Variants in ERRFI1 observed in about 807,000 individuals in gnomAD.
The protein encoded by ERRFI1 is ERBB receptor feedback inhibitor 1, also known as mitogen-inducible gene 6 protein.
ERRFI1 carries 12 observed loss-of-function variants against 14.6 expected under a neutral mutation model. The observed-to-expected ratio is 0.82, with a 90% CI of 0.53 to 1.33. The LOEUF is 1.33. Among genes scored for constraint, ERRFI1 ranks in the 40% most tolerant of loss-of-function variants. The pLI is 0.00. For missense variants in ERRFI1, 482 were observed against 572.1 expected, an observed-to-expected ratio of 0.84 and a Z score of 1.61; for synonymous variants, 202 against 209.9, an observed-to-expected ratio of 0.96 and a Z score of 0.32.
chr1:8,016,040 C>G (rs924443128), intron 1 of ERRFI1, among the ~76,000 whole-genome samples: 1 of 152,158 alleles, frequency 6.6e-6, no homozygotes, highest in African/African-American at 2.4e-5. Context: ...ATTAAACCAG[C>G]CTTCTAAGTT....
chr1:8,014,546 C>T (rs906997120), intron 3 of ERRFI1, 150 bp from the exon 4 acceptor site: 2 of 669,566 alleles, frequency 3.0e-6, no homozygotes, highest in Middle Eastern at 4.2e-4. Context: ...CATGCAACCA[C>T]CACAGGTGTA....
rs1173575125 is a variant in ERRFI1, at chr1:8,013,349, G to A, written c.1250C>T (p.Thr417Ile). Residue 417 changes from threonine to isoleucine, a missense_variant, in exon 4 of 4, where the codon ACA becomes ATA. Thr to Ile is a moderately conservative substitution (Grantham distance 89). Transcript: ENST00000377482. This position sits in a 1 kb window ranked among gnomAD's most constrained non-coding sequence, Gnocchi z 4.3. Reference protein sequence around the residue: ...YEKFFREAEETNGGAQIQPLP... With the variant: ...YEKFFREAEEINGGAQIQPLP... ...TGGCTGGATTTGGGCGCCTCCATTTGTTTCTTCTGCTTCCCTAAAAAATTT... is the reference window on the plus strand; with the variant it reads ...TGGCTGGATTTGGGCGCCTCCATTTATTTCTTCTGCTTCCCTAAAAAATTT... 1 of 1,614,174 alleles carries A rather than the reference G, an allele frequency of 6.2e-7. No individual in the cohort carries two copies. Among genetic ancestry groups the A allele is most frequent in the Admixed American group, 1.7e-5 (1 of 60,014 alleles).
intron 1 of ERRFI1, among the ~76,000 whole-genome samples, chr1:8,016,314 A>T (rs1641172856): frequency 6.6e-6 from 1 of 152,206 alleles, no homozygotes; most frequent in Non-Finnish European, 1.5e-5. Flanking sequence ...TAATATATGA[A>T]GATACTAATT....
chr1:8,013,449 C>G lies in ERRFI1; in HGVS notation c.1150G>C (p.Glu384Gln), dbSNP rs2124055526. The G allele has an allele frequency of 6.2e-7, 1 of 1,614,166 alleles. No individual in the cohort carries two copies. The highest frequency in any genetic ancestry group is 8.5e-7 in the Non-Finnish European group (1 of 1,180,036). The part of the protein sequence containing the change: ...SKVPCILPII[E>Q]NGKKVSSTHY... The stretch of plus-strand genomic sequence containing the variant: ...GTTGAACTAACCTTCTTCCCATTTT[C>G]AATAATGGGCAGAATGCAAGGAACC... Residue 384 changes from glutamate (E) to glutamine (Q), a missense_variant, in exon 4 of 4, where the codon GAA becomes CAA. Physicochemically the swap from Glu to Gln is conservative, Grantham distance 29. Coordinates refer to ENST00000377482, the MANE Select transcript of ERRFI1 (RefSeq NM_018948.4). The surrounding 1 kb of genome is among the most constrained non-coding windows in gnomAD (Gnocchi z 4.3).
chr1:8,014,509 C>T (rs1466855529), intron 3 of ERRFI1, 113 bp from the exon 4 acceptor site: 2 of 1,028,436 alleles, frequency 1.9e-6, no homozygotes, highest in East Asian at 4.9e-5. Context: ...GAGTGAAACA[C>T]TTGACTGCTG....
chr1:8,025,608 A>G (rs1641334237), intron 1 of ERRFI1, among the ~76,000 whole-genome samples: 1 of 152,154 alleles, frequency 6.6e-6, no homozygotes, highest in Admixed American at 6.5e-5. Context: ...CTTTCAAGAC[A>G]GGATTTACGG....
intron 1 of ERRFI1, among the ~76,000 whole-genome samples, chr1:8,019,515 A>G (rs1177795525): frequency 6.6e-6 from 1 of 152,150 alleles, no homozygotes; most frequent in African/African-American, 2.4e-5. Flanking sequence ...CTGATGTCTG[A>G]TTTATGCTTT....
At chr1:8,023,356 C>T (rs186386706) in intron 1 of ERRFI1, among the ~76,000 whole-genome samples, 1 of 152,200 alleles carries the variant, frequency 6.6e-6, no homozygotes, top group Non-Finnish European at 1.5e-5. Flanking sequence ...TGGCTTACTG[C>T]AACCTCTGCC....
At chr1:8,023,748 T>C (rs1641304298) in intron 1 of ERRFI1, among the ~76,000 whole-genome samples, 1 of 152,194 alleles carries the variant, frequency 6.6e-6, no homozygotes, top group African/African-American at 2.4e-5. Flanking sequence ...CAGTAACTTT[T>C]CCCTATCTTA....
chr1:8,013,771 G>T lies in ERRFI1; in HGVS notation c.828C>A (p.Ser276=). ...NCCIHRASPN[S]DEDKPEVPPR... is the part of the protein sequence containing the mutation. ...GGGGAACCTCAGGTTTGTCTTCATC[G>T]GAGTTAGGAGAAGCTCTGTGTATAC... Residue 276 remains serine, a synonymous_variant, in exon 4 of 4, where the codon TCC becomes TCA. Coordinates refer to ENST00000377482, the MANE Select transcript of ERRFI1 (RefSeq NM_018948.4). The surrounding 1 kb of genome is among the most constrained non-coding windows in gnomAD (Gnocchi z 4.3). The T allele has an allele frequency of 1.2e-6, 2 of 1,614,096 alleles. No homozygotes were observed. Among genetic ancestry groups the T allele is most frequent in the Admixed American group, 1.7e-5 (1 of 60,004 alleles).
At chr1:8,015,786 G>T in intron 1 of ERRFI1, 94 bp from the exon 2 acceptor site, 1 of 798,438 alleles carries the variant, frequency 1.3e-6, no homozygotes, top group Non-Finnish European at 1.9e-6. Context: ...CAGAGGATTT[G>T]GGGGATGCTG....
At chr1:8,018,964 T>G (rs1051938209) in intron 1 of ERRFI1, among the ~76,000 whole-genome samples, 2 of 152,006 alleles carry the variant, frequency 1.3e-5, no homozygotes, top group Non-Finnish European at 2.9e-5. Context: ...CAAACCAAAC[T>G]CCTCCTTTCA....
At chr1:8,023,463 G>A (rs1641300696) in intron 1 of ERRFI1, among the ~76,000 whole-genome samples, 3 of 152,042 alleles carry the variant, frequency 2.0e-5, no homozygotes, top group African/African-American at 7.2e-5. Context: ...TTTTTTTGTA[G>A]TGACAGGGTT....
In ERRFI1 at chr1:8,012,095, G is replaced by A. The variant is rs76158326; in HGVS notation, c.*1115C>T. 1 of 230,354 alleles carries A rather than the reference G, an allele frequency of 4.3e-6. No homozygotes were observed. The highest frequency in any genetic ancestry group is 8.6e-6 in the Non-Finnish European group (1 of 115,982). 14.3% of individuals were successfully genotyped at this position (230,354 alleles called of 1,614,324 possible). A position where few individuals can be genotyped will look rare whatever the true frequency, so the allele number is the denominator to read the frequency against. On this transcript the variant is annotated 3_prime_UTR_variant, in exon 4 of 4. Transcript: ENST00000377482. ...GCATCTAAGTGAAGCAGCCACAGCT[G>A]TGAGAGTTTTCAAAGCAGAAAGATG...
intron 3 of ERRFI1, 114 bp from the exon 4 acceptor site, chr1:8,014,510 T>A: frequency 1.0e-6 from 1 of 1,001,246 alleles, no homozygotes; most frequent in Non-Finnish European, 1.4e-6. Flanking sequence ...AGTGAAACAC[T>A]TGACTGCTGT....
chr1:8,017,917 C>T (rs957063130), intron 1 of ERRFI1, among the ~76,000 whole-genome samples: 2 of 152,200 alleles, frequency 1.3e-5, no homozygotes, highest in African/African-American at 4.8e-5. Flanking sequence ...TCAATGGTCA[C>T]TTAAAATTAT....
intron 1 of ERRFI1, among the ~76,000 whole-genome samples, chr1:8,016,117 C>T (rs1440170290): frequency 1.3e-5 from 2 of 152,172 alleles, no homozygotes; most frequent in Non-Finnish European, 2.9e-5. Context: ...AAAGTAATTT[C>T]AGAAGCCACT....
chr1:8,012,429 T>C lies in ERRFI1; in HGVS notation c.*781A>G, dbSNP rs1206535710. 2 of 230,492 alleles carry C rather than the reference T, an allele frequency of 8.7e-6. No homozygotes were observed. Among genetic ancestry groups the C allele is most frequent in the Admixed American group, 5.7e-5 (1 of 17,670 alleles). 14.3% of individuals were successfully genotyped at this position (230,492 alleles called of 1,614,324 possible). On this transcript the variant is annotated 3_prime_UTR_variant, in exon 4 of 4. Coordinates refer to ENST00000377482, the MANE Select transcript of ERRFI1 (RefSeq NM_018948.4). ...GCCTCTAATACGGCCCGCACTACGA[T>C]GAGCTACTTCAGTGGGTGGGACCAA...
intron 1 of ERRFI1, among the ~76,000 whole-genome samples, chr1:8,018,508 ATTG>A (rs1641231339): frequency 6.6e-6 from 1 of 152,078 alleles, no homozygotes; most frequent in African/African-American, 2.4e-5. Flanking sequence ...GAGGAAAACA[ATTG>A]CAAAAATGTA....
Sources: gnomAD v4.1 joint callset for allele counts (sites outside exome capture counted in the v4.1 genomes callset) on GRCh38, gnomAD v4.1.1 for gene constraint, Gnocchi (gnomAD v3.1) non-coding constraint, MANE v1.5 for transcripts, NCBI Gene and HGNC (gene_info 2026-07-23, HGNC 2026-07-21) for gene names.